The following LMTK2 variants were observed in gnomAD, a reference collection of about 807,000 sequenced individuals.
LMTK2 encodes lemur tail kinase 2.
Under a neutral mutation model 127.5 loss-of-function variants are expected in LMTK2, and 37 were observed. The ratio of observed to expected loss-of-function variants is 0.29; its 90% CI spans 0.22 to 0.38. The LOEUF is 0.38. Ranked by LOEUF, LMTK2 falls within the 10% of genes least tolerant of loss-of-function variation. The pLI is 1.00. For synonymous variants in LMTK2, 819 were observed against 810.1 expected, an observed-to-expected ratio of 1.01 and a Z score of -0.19; for missense variants, 1,694 against 1,920.3, an observed-to-expected ratio of 0.88 and a Z score of 2.20.
chr7:98,163,294 T>C (rs1487613654), intron 6 of LMTK2, among the ~76,000 whole-genome samples: 1 of 152,166 alleles, frequency 6.6e-6, no homozygotes. Flanking sequence ...TTTATGCATT[T>C]TTTTTTACCC....
At chr7:98,121,294 A>T (rs1047272376) in intron 1 of LMTK2, among the ~76,000 whole-genome samples, 1 of 152,184 alleles carries the variant, frequency 6.6e-6, no homozygotes, top group Non-Finnish European at 1.5e-5. Context: ...ACGAATCATA[A>T]GATTGCCTCT....
chr7:98,116,908 C>G (rs1435535068), intron 1 of LMTK2, among the ~76,000 whole-genome samples: 1 of 152,168 alleles, frequency 6.6e-6, no homozygotes, highest in African/African-American at 2.4e-5. Context: ...GTAGAATGTC[C>G]CTCAACTGGG....
At chr7:98,116,127 C>G (rs894094815) in intron 1 of LMTK2, among the ~76,000 whole-genome samples, 11 of 152,206 alleles carry the variant, frequency 7.2e-5, no homozygotes, top group African/African-American at 2.4e-4. Context: ...CTCCTGGCCT[C>G]AAGCAGTCCT....
At chr7:98,134,556 T>G (rs1363147690) in intron 1 of LMTK2, among the ~76,000 whole-genome samples, 2 of 151,958 alleles carry the variant, frequency 1.3e-5, no homozygotes, top group Non-Finnish European at 2.9e-5. Flanking sequence ...GGCTCATGCC[T>G]GTAATCCCAG....
At chr7:98,173,673 A>AT (rs1256391107) in intron 7 of LMTK2, among the ~76,000 whole-genome samples, 1 of 152,240 alleles carries the variant, frequency 6.6e-6, no homozygotes, top group African/African-American at 2.4e-5. Context: ...GTTTTACTTA[A>AT]TTTCAAAGTT....
At chr7:98,203,272 G>C (rs1042231026) in intron 11 of LMTK2, among the ~76,000 whole-genome samples, 1 of 152,226 alleles carries the variant, frequency 6.6e-6, no homozygotes. Flanking sequence ...AGGAGAAGCC[G>C]ACACACTTGT....
intron 3 of LMTK2, among the ~76,000 whole-genome samples, chr7:98,144,746 C>CT (rs59204405): frequency 0.19 from 27,486 of 141,914 alleles, 2,991 homozygotes; most frequent in African/African-American, 0.31. Flanking sequence ...CATAGTCCTC[C>CT]TTTTTTTTTT....
chr7:98,169,594 CCATTT>C (rs1797154396), intron 6 of LMTK2, among the ~76,000 whole-genome samples: 1 of 152,150 alleles, frequency 6.6e-6, no homozygotes, highest in Non-Finnish European at 1.5e-5. Context: ...AATTTCATTA[CCATTT>C]CATTGGTAAT....
intron 1 of LMTK2, among the ~76,000 whole-genome samples, chr7:98,121,071 C>G (rs17169317): frequency 0.12 from 18,242 of 152,094 alleles, 1,680 homozygotes; most frequent in African/African-American, 0.25. Flanking sequence ...TTTACAGATG[C>G]AGTCAGTCTC....
At chr7:98,176,697 A>T (rs77153378) in intron 7 of LMTK2, among the ~76,000 whole-genome samples, 2 of 152,154 alleles carry the variant, frequency 1.3e-5, no homozygotes, top group African/African-American at 4.8e-5. Flanking sequence ...ATACAAAAAA[A>T]TTAGCCAGGC....
intron 7 of LMTK2, among the ~76,000 whole-genome samples, chr7:98,184,563 A>C (rs78445940): frequency 0.06 from 9,066 of 152,026 alleles, 649 homozygotes; most frequent in East Asian, 0.36. Context: ...GCCTTTTTTG[A>C]CTGAGCCATT....
intron 3 of LMTK2, among the ~76,000 whole-genome samples, chr7:98,151,010 G>T (rs1796844276): frequency 6.6e-6 from 1 of 152,146 alleles, no homozygotes; most frequent in Non-Finnish European, 1.5e-5. Context: ...TTATACTTCA[G>T]TAAAACTTTT....
chr7:98,107,152 G>C lies in LMTK2; in HGVS notation c.-26G>C. ...ACGGACGGAAGGCGACTCGAGGGCC[G>C]GCCCCGGAGCCGCGCCGTGGGCGAG... is the stretch of plus-strand genomic sequence containing the variant. On this transcript the variant is annotated 5_prime_UTR_variant, in exon 1 of 14. Transcript: ENST00000297293. The C allele has an allele frequency of 7.1e-7, 1 of 1,411,300 alleles. No homozygotes were observed. The highest frequency in any genetic ancestry group is 9.2e-7 in the Non-Finnish European group (1 of 1,088,812). The allele number at this position is 1,411,300 out of a possible 1,614,324, so 87.4% of individuals were successfully genotyped here. A position where few individuals can be genotyped will look rare whatever the true frequency, so the allele number is the denominator to read the frequency against.
intron 1 of LMTK2, 54 bp downstream of exon 1, chr7:98,107,334 G>T (rs1796124659): frequency 1.7e-6 from 2 of 1,148,480 alleles, no homozygotes; most frequent in Admixed American, 4.3e-5. Flanking sequence ...GTGGAGGGGA[G>T]GGGGCGGCAG....
At chr7:98,111,560 C>T (rs891407088) in intron 1 of LMTK2, among the ~76,000 whole-genome samples, 4 of 152,138 alleles carry the variant, frequency 2.6e-5, no homozygotes, top group African/African-American at 7.2e-5. Context: ...GTCAGTTACT[C>T]GACCTCTGGG....
At chr7:98,181,001 G>A (rs1028993016) in intron 7 of LMTK2, among the ~76,000 whole-genome samples, 15 of 152,062 alleles carry the variant, frequency 9.9e-5, no homozygotes, top group African/African-American at 3.6e-4. Context: ...GAGCTGGGGA[G>A]CCCTTCTGCG....
intron 1 of LMTK2, among the ~76,000 whole-genome samples, chr7:98,119,187 A>C (rs752075955): frequency 3.9e-5 from 6 of 152,190 alleles, no homozygotes; most frequent in Non-Finnish European, 5.9e-5. Context: ...CTGCATTTAT[A>C]ATAGTTTTCT....
chr7:98,114,240 GTT>G (rs554396308), intron 1 of LMTK2, among the ~76,000 whole-genome samples: 173 of 130,904 alleles, frequency 1.3e-3, no homozygotes, highest in African/African-American at 4.3e-3. Context: ...TTTTTTTAAA[GTT>G]TTTTTTTTTT....
At chr7:98,186,061 CT>C (rs368390468) in intron 8 of LMTK2, among the ~76,000 whole-genome samples, 30,237 of 144,666 alleles carry the variant, frequency 0.21, 2,960 homozygotes, top group South Asian at 0.33. Flanking sequence ...TGCATCATCT[CT>C]TTTTTTTTTT....
Sources: gnomAD v4.1 joint callset for allele counts (sites outside exome capture counted in the v4.1 genomes callset) on GRCh38, gnomAD v4.1.1 for gene constraint, MANE v1.5 for transcripts, NCBI Gene and HGNC (gene_info 2026-07-23, HGNC 2026-07-21) for gene names.